The following UACA variants were observed in gnomAD, a reference collection of about 807,000 sequenced individuals.
UACA encodes the protein uveal autoantigen with coiled-coil domains and ankyrin repeats.
In UACA, 112 loss-of-function variants were observed where a neutral mutation model predicts 160.5. That is an observed-to-expected ratio of 0.70 (90% confidence interval 0.60 to 0.82). The LOEUF (loss-of-function observed/expected upper bound fraction) is 0.82, where lower values mean the gene tolerates loss of function less well. Ranked by LOEUF, UACA falls within the 40% of genes least tolerant of loss-of-function variation. The probability of loss-of-function intolerance (pLI) is 0.00; values close to 1 mark genes in which losing one functional copy is unlikely to be tolerated. For missense variants in UACA, 1,574 were observed against 1,614.6 expected, an observed-to-expected ratio of 0.97 and a Z score of 0.43; for synonymous variants, 557 against 568.4, an observed-to-expected ratio of 0.98 and a Z score of 0.29.
chr15:70,667,405 A>G lies in UACA; in HGVS notation c.3279T>C (p.Asn1093=). The G allele has an allele frequency of 6.2e-7, 1 of 1,611,438 alleles. No homozygotes were observed. The highest frequency in any genetic ancestry group is 8.5e-7 in the Non-Finnish European group (1 of 1,179,876). ...KNVKEKLVEE[N]AKQTSEILAV... ...CAAGTATCTCAGAAGTCTGTTTGGC[A>G]TTTTCTTCTACTAGCTTCTCTTTCA... Residue 1093 remains asparagine (N), a synonymous_variant, in exon 16 of 19, where the codon AAT becomes AAC. Coordinates refer to ENST00000322954, the MANE Select transcript of UACA (RefSeq NM_018003.4).
At chr15:70,728,461 G>A (rs1899214325) in intron 1 of UACA, among the ~76,000 whole-genome samples, 1 of 151,722 alleles carries the variant, frequency 6.6e-6, no homozygotes, top group South Asian at 2.1e-4. Context: ...TACTCAGGAG[G>A]CTGAGGCAGG....
At chr15:70,726,538 T>G (rs1655730623) in intron 1 of UACA, among the ~76,000 whole-genome samples, 1 of 152,218 alleles carries the variant, frequency 6.6e-6, no homozygotes, top group African/African-American at 2.4e-5. Context: ...TCATTTGGCT[T>G]TACTTTTTCT....
intron 9 of UACA, chr15:70,679,948 A>G (rs1046680299): frequency 3.9e-5 from 7 of 178,538 alleles, no homozygotes; most frequent in Admixed American, 6.2e-5. Flanking sequence ...CTAAAGTCAC[A>G]AAATTTTAAA....
intron 8 of UACA, among the ~76,000 whole-genome samples, chr15:70,683,845 A>C (rs1428804550): frequency 6.6e-6 from 1 of 151,740 alleles, no homozygotes; most frequent in African/African-American, 2.4e-5. Flanking sequence ...TTTTTTTAAA[A>C]AAAACATAAA....
intron 1 of UACA, among the ~76,000 whole-genome samples, chr15:70,704,728 C>A (rs114908407): frequency 0.011 from 1,710 of 152,302 alleles, 28 homozygotes; most frequent in African/African-American, 0.04. Flanking sequence ...ATGGTAGGCA[C>A]TGGCGAGAGT....
chr15:70,658,970 T>C (rs1896580342), intron 18 of UACA, among the ~76,000 whole-genome samples: 1 of 152,220 alleles, frequency 6.6e-6, no homozygotes, highest in African/African-American at 2.4e-5. Context: ...GTGCATATTA[T>C]ACAAAGTGGA....
intron 1 of UACA, among the ~76,000 whole-genome samples, chr15:70,749,894 A>C (rs1241385876): frequency 2.0e-5 from 3 of 152,178 alleles, no homozygotes; most frequent in Admixed American, 6.5e-5. Flanking sequence ...AAAAACACTA[A>C]ATTGCTAACA....
intron 1 of UACA, among the ~76,000 whole-genome samples, chr15:70,726,255 A>T (rs891650717): frequency 1.3e-5 from 2 of 152,170 alleles, no homozygotes; most frequent in African/African-American, 4.8e-5. Flanking sequence ...GTTTCTGCTT[A>T]AATAAGCATA....
intron 1 of UACA, among the ~76,000 whole-genome samples, chr15:70,753,372 T>C (rs1332097139): frequency 2.0e-5 from 3 of 152,212 alleles, no homozygotes; most frequent in Non-Finnish European, 4.4e-5. Flanking sequence ...CACATATCTC[T>C]GGAGGGAACA....
At chr15:70,760,818 AAAAC>A in intron 1 of UACA, among the ~76,000 whole-genome samples, 4 of 152,178 alleles carry the variant, frequency 2.6e-5, no homozygotes, top group African/African-American at 9.6e-5. Flanking sequence ...AAAAAAAAAA[AAAAC>A]AGAAAAAGAA....
At chr15:70,774,419 G>A in the UACA span, among the ~76,000 whole-genome samples, 9 of 151,974 alleles carry the variant, frequency 5.9e-5, no homozygotes, top group Admixed American at 1.3e-4. Context: ...GGTGGTGGGC[G>A]CCTGTAGTCC....
In UACA at chr15:70,657,064, C is replaced by G. The variant is rs769048146; in HGVS notation, c.4243G>C (p.Val1415Leu). Reference protein sequence around the residue: ...LQIIQMRQGLVC With the variant: ...LQIIQMRQGLLC ...GCAGTCAGTGCTAACGGCTAGCACA[C>G]AAGCCCCTGCCGCATTTGTATGATC... The change falls in exon 19 of 19, where the codon GTG (valine) becomes CTG (leucine). Residue 1415 changes from valine (V) to leucine (L), a missense_variant. By Grantham distance (32) the Val-to-Leu change is conservative. Coordinates refer to ENST00000322954, the MANE Select transcript of UACA (RefSeq NM_018003.4). The G allele has an allele frequency of 1.8e-5, 29 of 1,613,108 alleles. No homozygotes were observed. Among genetic ancestry groups the G allele is most frequent in the Non-Finnish European group, 2.4e-5 (28 of 1,179,848 alleles).
chr15:70,659,608 A>G (rs1896629681), intron 18 of UACA, among the ~76,000 whole-genome samples: 1 of 151,384 alleles, frequency 6.6e-6, no homozygotes, highest in Admixed American at 6.6e-5. Context: ...TATGTTAGTA[A>G]TTTCTTAGTA....
chr15:70,664,994 A>G (rs1411117158), intron 16 of UACA, 180 bp from the exon 17 acceptor site: 11 of 452,106 alleles, frequency 2.4e-5, no homozygotes, highest in Admixed American at 1.2e-4. Flanking sequence ...TTATAATTAA[A>G]TCCCTCTCCA....
intron 4 of UACA, 69 bp downstream of exon 4, chr15:70,691,230 A>C (rs1897922343): frequency 8.8e-7 from 1 of 1,134,496 alleles, no homozygotes; most frequent in African/African-American, 1.6e-5. Flanking sequence ...AATTCCAAAA[A>C]CACATTAAAA....
At chr15:70,696,857 C>G (rs1024470648) in intron 2 of UACA, among the ~76,000 whole-genome samples, 1 of 152,058 alleles carries the variant, frequency 6.6e-6, no homozygotes, top group Non-Finnish European at 1.5e-5. Flanking sequence ...TGTGGAAGAC[C>G]TCTTTCTTCA....
chr15:70,769,394 G>A, the UACA span, among the ~76,000 whole-genome samples: 1 of 147,156 alleles, frequency 6.8e-6, no homozygotes, highest in Non-Finnish European at 1.5e-5. Flanking sequence ...CTTGGGAAAT[G>A]ACCCGAGCTT....
At position 70,667,539 on chromosome 15, in the gene UACA, CTG is replaced by C. The variant is rs1326328053; in HGVS notation, c.3143_3144del (p.Thr1048SerfsTer4). Reference sequence around the variant, plus strand: ...ATTTCATGAGACTTCTCAATGAGAACTGTCTTATCTCTCAAATCTTTCTGAAG... The same window carrying C: ...ATTTCATGAGACTTCTCAATGAGAACTCTTATCTCTCAAATCTTTCTGAAG... The part of the protein sequence containing the change: ...FTLQKDLRDK[T>X]VLIEKSHEME... On this transcript the variant is annotated frameshift_variant, in exon 16 of 19. Coordinates refer to ENST00000322954, the MANE Select transcript of UACA (RefSeq NM_018003.4). LOFTEE classifies it high-confidence loss of function. 1 of 1,612,918 alleles carries C rather than the reference CTG, an allele frequency of 6.2e-7. No homozygotes were observed. The highest frequency in any genetic ancestry group is 1.7e-5 in the Admixed American group (1 of 59,916).
At position 70,669,507 on chromosome 15, in the gene UACA, A is replaced by G. The variant is rs766106267; in HGVS notation, c.1222-45T>C. 12 of 1,434,366 alleles carry G rather than the reference A, an allele frequency of 8.4e-6. No homozygotes were observed. In the African/African-American group the frequency reaches 1.6e-4, roughly 19 times the overall value. 88.9% of individuals were successfully genotyped at this position (1,434,366 alleles called of 1,614,324 possible). On this transcript the variant is annotated intron_variant, in intron 15 of 18. Coordinates refer to ENST00000322954, the MANE Select transcript of UACA (RefSeq NM_018003.4). Reference sequence around the variant, plus strand: ...GACATCAATCACAAAAGCCTAAATGAGACATTTACTATACTTATTTGCCAA... The same window carrying G: ...GACATCAATCACAAAAGCCTAAATGGGACATTTACTATACTTATTTGCCAA...
Sources: gnomAD v4.1 joint callset for allele counts (sites outside exome capture counted in the v4.1 genomes callset) on GRCh38, gnomAD v4.1.1 for gene constraint, MANE v1.5 for transcripts, NCBI Gene and HGNC (gene_info 2026-07-23, HGNC 2026-07-21) for gene names.